COL24A1: variants seen among roughly 807,000 people sequenced by gnomAD.
COL24A1 encodes collagen type XXIV alpha 1 chain, also known as collagen alpha-1(XXIV) chain.
A neutral mutation model predicts 253.9 loss-of-function variants in COL24A1; 224 were observed. The ratio of observed to expected loss-of-function variants is 0.88; its 90% CI spans 0.79 to 0.99. The LOEUF (loss-of-function observed/expected upper bound fraction) is 0.99. Ranked by LOEUF, COL24A1 falls within the 50% of genes least tolerant of loss-of-function variation. The pLI, the probability that COL24A1 is intolerant of heterozygous loss-of-function variation, is 0.00. For missense variants in COL24A1, 2,131 were observed against 2,068.5 expected, an observed-to-expected ratio of 1.03 and a Z score of -0.59; for synonymous variants, 685 against 673.7, an observed-to-expected ratio of 1.02 and a Z score of -0.26.
chr1:85,744,010 C>G (rs915806665), intron 57 of COL24A1, among the ~76,000 whole-genome samples: 1 of 152,018 alleles, frequency 6.6e-6, no homozygotes, highest in Non-Finnish European at 1.5e-5. Context: ...CACATCAGCA[C>G]TTTTCAAATC....
intron 10 of COL24A1, among the ~76,000 whole-genome samples, chr1:86,057,070 G>T (rs1700715978): frequency 6.6e-6 from 1 of 152,088 alleles, no homozygotes; most frequent in South Asian, 2.1e-4. Flanking sequence ...AATGTTGGAG[G>T]TGTGGCCTGG....
chr1:86,050,165 A>C lies in COL24A1; in HGVS notation c.1864T>G (p.Ser622Ala). 2 of 1,613,334 alleles carry C rather than the reference A, an allele frequency of 1.2e-6. No homozygotes were observed. Among genetic ancestry groups the C allele is most frequent in the East Asian group, 2.2e-5 (1 of 44,816 alleles). The change falls in exon 11 of 60, where the codon TCT (serine) becomes GCT (alanine). Residue 622 changes from serine to alanine, a missense_variant. Ser to Ala is a moderately conservative substitution (Grantham distance 99). Transcript: ENST00000370571. ...CCCAGTTGTCCCGCTTCTCCAGGAG[A>C]GCCAATAAAACCCTTAAAACAAGAA... ...GPKGAQGFIG[S>A]PGEAGQLGPE...
At chr1:86,051,635 C>A (rs1392477491) in intron 10 of COL24A1, among the ~76,000 whole-genome samples, 1 of 151,936 alleles carries the variant, frequency 6.6e-6, no homozygotes, top group East Asian at 1.9e-4. Context: ...GGAAAGTCTG[C>A]AATTTACACT....
chr1:85,901,278 T>C (rs1046451864), intron 28 of COL24A1, among the ~76,000 whole-genome samples: 3 of 151,876 alleles, frequency 2.0e-5, no homozygotes, highest in African/African-American at 7.3e-5. Context: ...GACAGACAAA[T>C]GGCCAACAGA....
At chr1:85,757,085 T>C (rs959978087) in intron 55 of COL24A1, among the ~76,000 whole-genome samples, 1 of 152,154 alleles carries the variant, frequency 6.6e-6, no homozygotes, top group African/African-American at 2.4e-5. Context: ...ACTTAATGGG[T>C]ACAGAGTTTC....
At chr1:85,819,487 T>C (rs935560780) in intron 45 of COL24A1, among the ~76,000 whole-genome samples, 2 of 152,102 alleles carry the variant, frequency 1.3e-5, no homozygotes, top group Non-Finnish European at 2.9e-5. Context: ...CTTTTGAATT[T>C]TAAAATAGTC....
intron 37 of COL24A1, among the ~76,000 whole-genome samples, chr1:85,858,621 C>CTCCCTCCCTCCTTCCTTCCT (rs1347863094): frequency 4.4e-5 from 5 of 113,270 alleles, no homozygotes; most frequent in South Asian, 3.5e-4. Flanking sequence ...TATTTTCTCC[C>CTCCCTCCCTCCTTCCTTCCT]TCCTTCCTTC....
chr1:85,945,259 C>T (rs187099592), intron 24 of COL24A1, among the ~76,000 whole-genome samples: 196 of 151,138 alleles, frequency 1.3e-3, no homozygotes, highest in African/African-American at 4.5e-3. Flanking sequence ...CCTCATGATC[C>T]GCCCACCTCC....
At chr1:85,874,539 A>G (rs965929862) in intron 35 of COL24A1, 110 bp downstream of exon 35, 8 of 894,592 alleles carry the variant, frequency 8.9e-6, no homozygotes, top group Non-Finnish European at 1.4e-5. Flanking sequence ...ATTTTCTATA[A>G]TGTATCAGAA....
chr1:85,842,149 C>A, intron 40 of COL24A1, 28 bp from the exon 41 acceptor site: 2 of 1,597,572 alleles, frequency 1.3e-6, no homozygotes, highest in South Asian at 1.1e-5. Flanking sequence ...GACATTTATA[C>A]ATGCTCTACC....
At chr1:86,015,568 TC>T (rs1483561252) in intron 19 of COL24A1, among the ~76,000 whole-genome samples, 1 of 152,118 alleles carries the variant, frequency 6.6e-6, no homozygotes, top group East Asian at 1.9e-4. Flanking sequence ...AGTGTACATA[TC>T]ACCTGTAACT....
rs1181489778 is a variant in COL24A1 at position 85,755,410 on chromosome 1, AC to A, written c.4437+5985del. 3.3e-5 allele frequency among the ~76,000 whole-genome samples: 5 copies of A among 152,280 alleles called. 1 individual carries two copies. In the South Asian group the frequency reaches 1.0e-3, roughly 32 times the overall value. ...ATAGTAAATATAACATATAGTATAG[AC>A]CCCAAGTAGCCAAAATAATTTTGAA... On this transcript the variant is annotated intron_variant, in intron 55 of 59. Coordinates refer to ENST00000370571, the MANE Select transcript of COL24A1 (RefSeq NM_152890.7).
chr1:85,889,548 A>G lies in COL24A1; in HGVS notation c.2976+12T>C, dbSNP rs750712767. ...GAAAGACACAATTAGAAAAGTATAA[A>G]GATAAACTTACTGGCTCTCCTGGAA... On this transcript the variant is annotated intron_variant, in intron 32 of 59. Coordinates refer to ENST00000370571, the MANE Select transcript of COL24A1 (RefSeq NM_152890.7). 6.8e-6 allele frequency: 11 copies of G among 1,607,622 alleles called. No homozygotes were observed. The Middle Eastern group carries it at 9.9e-4, about 144-fold the overall frequency.
At chr1:85,969,299 A>T (rs1163110735) in intron 22 of COL24A1, among the ~76,000 whole-genome samples, 3 of 152,056 alleles carry the variant, frequency 2.0e-5, no homozygotes, top group African/African-American at 7.2e-5. Context: ...TTAAACGTAA[A>T]AGCATTTTAA....
At chr1:86,100,323 T>A (rs529365777) in intron 5 of COL24A1, among the ~76,000 whole-genome samples, 97 of 152,292 alleles carry the variant, frequency 6.4e-4, no homozygotes, top group African/African-American at 2.2e-3. Context: ...TAGTAGCTCT[T>A]TCTATAATAA....
rs188551105 is a variant in COL24A1, at chr1:85,961,265, C to G, written c.2546G>C (p.Gly849Ala). 6.2e-7 allele frequency: 1 copy of G among 1,604,526 alleles called. No homozygotes were observed. The highest frequency in any genetic ancestry group is 2.2e-5 in the East Asian group (1 of 44,604). Residue 849 changes from glycine (G) to alanine (A), a missense_variant, in exon 24 of 60, where the codon GGA (glycine) becomes GCA (alanine). By Grantham distance (60) the Gly-to-Ala change is moderately conservative. Transcript: ENST00000370571. ...KGEVGDQGNI[G>A]KIGETGPVGL... ...TAAGCTTACTGTTTCACCAATTTTTCCAATATTTCCTTGATCTCCTACTTC... is the reference window on the plus strand; with the variant it reads ...TAAGCTTACTGTTTCACCAATTTTTGCAATATTTCCTTGATCTCCTACTTC...
chr1:85,806,127 T>C (rs1558195870), intron 47 of COL24A1, among the ~76,000 whole-genome samples: 1 of 151,378 alleles, frequency 6.6e-6, no homozygotes, highest in African/African-American at 2.4e-5. Context: ...CCTCCTTTTA[T>C]ATTAAATAAC....
At chr1:85,996,544 G>T (rs1694810873) in intron 19 of COL24A1, among the ~76,000 whole-genome samples, 1 of 151,864 alleles carries the variant, frequency 6.6e-6, no homozygotes, top group Admixed American at 6.6e-5. Flanking sequence ...GCTGAGGCAG[G>T]AGAATTGCTA....
intron 2 of COL24A1, among the ~76,000 whole-genome samples, chr1:86,135,155 G>C (rs1650019091): frequency 9.4e-6 from 1 of 105,846 alleles, no homozygotes; most frequent in Non-Finnish European, 2.0e-5. Context: ...TGTTTTATCA[G>C]AGGCTAGGAT....
Sources: gnomAD v4.1 joint callset for allele counts (sites outside exome capture counted in the v4.1 genomes callset) on GRCh38, gnomAD v4.1.1 for gene constraint, MANE v1.5 for transcripts, NCBI Gene and HGNC (gene_info 2026-07-23, HGNC 2026-07-21) for gene names.